Variants in CACNA2D3 observed in about 807,000 individuals in gnomAD.
CACNA2D3 encodes calcium voltage-gated channel auxiliary subunit alpha2delta 3.
CACNA2D3 carries 60 observed loss-of-function variants against 160.6 expected under a neutral mutation model. The observed-to-expected ratio is 0.37, with a 90% CI of 0.30 to 0.46. The LOEUF is 0.46. Among genes scored for constraint, CACNA2D3 ranks in the 20% least tolerant of loss-of-function variants. The pLI, the probability that CACNA2D3 is intolerant of heterozygous loss-of-function variation, is 1.00. For missense variants in CACNA2D3, 1,205 were observed against 1,365.0 expected (o/e 0.88, Z 1.85); for synonymous variants, 558 against 492.9 (o/e 1.13, Z -1.75).
At position 54,891,440 on chromosome 3, in the gene CACNA2D3, C is replaced by G; in HGVS notation, c.2236C>G (p.Leu746Val). The change falls in exon 25 of 38, where the codon CTC (leucine) becomes GTC (valine). Residue 746 changes from leucine to valine, a missense_variant. By Grantham distance (32) the Leu-to-Val change is conservative. Coordinates refer to ENST00000474759, the MANE Select transcript of CACNA2D3 (RefSeq NM_018398.3). ...RINLFVGAEQ[L>V]TNQDFLKAGD... Reference sequence around the variant, plus strand: ...CAACCTGTTTGTCGGGGCTGAGCAGCTCACCAATCAGTAAGTAGGAGGGAT... The same window carrying G: ...CAACCTGTTTGTCGGGGCTGAGCAGGTCACCAATCAGTAAGTAGGAGGGAT... 1 of 1,613,542 alleles carries G rather than the reference C, an allele frequency of 6.2e-7. No homozygotes were observed. The highest frequency in any genetic ancestry group is 8.5e-7 in the Non-Finnish European group (1 of 1,179,534).
In CACNA2D3 at chr3:54,944,395, G is replaced by A. The variant is rs558481540; in HGVS notation, c.2450-24055G>A. ...GACTGTTTTATTTTAAATTTCCCAG[G>A]GTATTTATTTATTTATTTATTTATT... On this transcript the variant is annotated intron_variant, in intron 27 of 37. Transcript: ENST00000474759. Among the ~76,000 whole-genome samples, 141 of 145,962 alleles carry A rather than the reference G, an allele frequency of 9.7e-4. No individual in the cohort carries two copies. The Middle Eastern group carries it at 0.011, about 11-fold the overall frequency.
chr3:54,665,056 C>A (rs1443879564), intron 11 of CACNA2D3, among the ~76,000 whole-genome samples: 2 of 152,162 alleles, frequency 1.3e-5, no homozygotes, highest in Non-Finnish European at 2.9e-5. Flanking sequence ...ACAATGGGGA[C>A]ATCTAATAAT....
intron 5 of CACNA2D3, among the ~76,000 whole-genome samples, chr3:54,514,106 T>C (rs537685638): frequency 4.6e-5 from 7 of 152,382 alleles, no homozygotes; most frequent in African/African-American, 1.4e-4. Context: ...ACATAAACAC[T>C]TCCAATTTCT....
chr3:54,268,172 G>T (rs1248976403), intron 2 of CACNA2D3, among the ~76,000 whole-genome samples: 1 of 152,174 alleles, frequency 6.6e-6, no homozygotes. Flanking sequence ...CAGCTCATAT[G>T]ACAAATTTTT....
intron 2 of CACNA2D3, among the ~76,000 whole-genome samples, chr3:54,175,485 C>T (rs906302966): frequency 2.0e-5 from 3 of 151,562 alleles, no homozygotes; most frequent in Non-Finnish European, 4.4e-5. Flanking sequence ...TGGTGGCGGG[C>T]GCCTGTAGTC....
intron 4 of CACNA2D3, among the ~76,000 whole-genome samples, chr3:54,500,504 TCTTC>T (rs56816802): frequency 0.017 from 1,739 of 101,902 alleles, 34 homozygotes; most frequent in East Asian, 0.098. Flanking sequence ...TTCCTTCCTA[TCTTC>T]CTTCCTTCCT....
intron 2 of CACNA2D3, among the ~76,000 whole-genome samples, chr3:54,313,433 G>C (rs1703787258): frequency 6.6e-6 from 1 of 152,028 alleles, no homozygotes; most frequent in Non-Finnish European, 1.5e-5. Flanking sequence ...CAAAAGTACA[G>C]ACCTGATCAC....
chr3:54,976,976 A>G (rs1702404216), intron 29 of CACNA2D3, among the ~76,000 whole-genome samples: 1 of 152,230 alleles, frequency 6.6e-6, no homozygotes, highest in Non-Finnish European at 1.5e-5. Flanking sequence ...GTTATTTTGA[A>G]TATTTTTCTC....
intron 27 of CACNA2D3, among the ~76,000 whole-genome samples, chr3:54,942,193 T>G (rs1286079130): frequency 6.6e-6 from 1 of 152,202 alleles, no homozygotes; most frequent in African/African-American, 2.4e-5. Context: ...CAACCGTGTA[T>G]CTCTGCCCAG....
intron 14 of CACNA2D3, among the ~76,000 whole-genome samples, chr3:54,824,181 A>G (rs755297737): frequency 1.3e-5 from 2 of 152,264 alleles, no homozygotes; most frequent in Non-Finnish European, 2.9e-5. Flanking sequence ...AAAGTACCTT[A>G]GCTTATCAGT....
chr3:54,679,984 C>T (rs1700311212), intron 11 of CACNA2D3, among the ~76,000 whole-genome samples: 1 of 152,188 alleles, frequency 6.6e-6, no homozygotes, highest in African/African-American at 2.4e-5. Context: ...AATTTAAATT[C>T]TAAAACCTGT....
intron 9 of CACNA2D3, among the ~76,000 whole-genome samples, chr3:54,590,336 C>T (rs912558421): frequency 6.6e-6 from 1 of 152,140 alleles, no homozygotes. Context: ...CAAAAGAACA[C>T]ATACTTCATG....
chr3:54,549,991 T>G (rs1702130420), intron 5 of CACNA2D3, among the ~76,000 whole-genome samples: 1 of 152,224 alleles, frequency 6.6e-6, no homozygotes, highest in African/African-American at 2.4e-5. Context: ...TCTTGCTAAA[T>G]GATGACAGCT....
intron 11 of CACNA2D3, among the ~76,000 whole-genome samples, chr3:54,684,747 T>C (rs1700418721): frequency 1.4e-5 from 1 of 69,526 alleles, no homozygotes; most frequent in Non-Finnish European, 4.1e-5. Context: ...ATTAAACGTT[T>C]GTCATGTTAA....
intron 12 of CACNA2D3, among the ~76,000 whole-genome samples, chr3:54,761,836 G>C (rs1702085714): frequency 6.6e-6 from 1 of 152,162 alleles, no homozygotes; most frequent in African/African-American, 2.4e-5. Context: ...CCTGGTTTGG[G>C]GTTGGCACAC....
intron 12 of CACNA2D3, among the ~76,000 whole-genome samples, chr3:54,754,088 C>T (rs1416017344): frequency 6.6e-6 from 1 of 152,098 alleles, no homozygotes; most frequent in African/African-American, 2.4e-5. Flanking sequence ...CTCAATAATC[C>T]TTAGCTTTTT....
intron 12 of CACNA2D3, among the ~76,000 whole-genome samples, chr3:54,756,231 C>T (rs114750621): frequency 1.5e-3 from 227 of 152,234 alleles, no homozygotes; most frequent in African/African-American, 5.0e-3. Flanking sequence ...CAGAGTCAGC[C>T]CTTCTTGATC....
At chr3:54,402,014 C>G (rs1699476019) in intron 4 of CACNA2D3, among the ~76,000 whole-genome samples, 1 of 151,972 alleles carries the variant, frequency 6.6e-6, no homozygotes, top group African/African-American at 2.4e-5. Context: ...GGGCAAAAGT[C>G]AAGAGTGTTT....
intron 30 of CACNA2D3, among the ~76,000 whole-genome samples, chr3:54,987,164 A>G (rs1702632832): frequency 6.6e-6 from 1 of 152,290 alleles, no homozygotes; most frequent in African/African-American, 2.4e-5. Flanking sequence ...ACAAAATGAA[A>G]GTGATCCTCA....
Sources: allele counts gnomAD v4.1 joint callset (sites outside exome capture counted in the v4.1 genomes callset), GRCh38; gene constraint gnomAD v4.1.1; transcripts MANE v1.5; gene names NCBI Gene and HGNC (gene_info 2026-07-23, HGNC 2026-07-21).